ANKAR: variants seen among roughly 807,000 people sequenced by gnomAD.
ANKAR encodes the protein ankyrin and armadillo repeat-containing protein.
In ANKAR, 136 loss-of-function variants were observed where a neutral mutation model predicts 146.2. That is an observed-to-expected ratio of 0.93 (90% confidence interval 0.81 to 1.07). The LOEUF (loss-of-function observed/expected upper bound fraction) is 1.07, where lower values mean the gene tolerates loss of function less well. Among genes scored for constraint, ANKAR ranks in the 50% least tolerant of loss-of-function variants. The probability of loss-of-function intolerance (pLI) is 0.00; values close to 1 mark genes in which losing one functional copy is unlikely to be tolerated. For synonymous variants in ANKAR, 500 were observed against 575.8 expected (o/e 0.87, Z 1.88); for missense variants, 1,567 against 1,679.9 (o/e 0.93, Z 1.18).
At chr2:189,694,354 C>T (rs1399208358) in intron 5 of ANKAR, among the ~76,000 whole-genome samples, 1 of 152,156 alleles carries the variant, frequency 6.6e-6, no homozygotes, top group Non-Finnish European at 1.5e-5. Context: ...CGCTGAAATC[C>T]GGGCATGGGA....
At chr2:189,691,119 G>A (rs185473807) in intron 3 of ANKAR, among the ~76,000 whole-genome samples, 20 of 152,132 alleles carry the variant, frequency 1.3e-4, no homozygotes, top group Non-Finnish European at 2.6e-4. Context: ...GCAGTGGCAC[G>A]ATCTCGACTC....
chr2:189,758,073 T>C (rs761177549), intron 18 of ANKAR, among the ~76,000 whole-genome samples: 2 of 152,130 alleles, frequency 1.3e-5, no homozygotes, highest in Non-Finnish European at 2.9e-5. Flanking sequence ...CAATGAGTTC[T>C]CATGAGATCT....
intron 10 of ANKAR, among the ~76,000 whole-genome samples, chr2:189,717,775 A>G (rs577458963): frequency 2.2e-4 from 33 of 152,338 alleles, no homozygotes; most frequent in Non-Finnish European, 4.7e-4. Flanking sequence ...GGATGAGTTC[A>G]TGTCCTTTGC....
chr2:189,726,820 G>A (rs1331966124), intron 12 of ANKAR, among the ~76,000 whole-genome samples: 1 of 152,018 alleles, frequency 6.6e-6, no homozygotes, highest in Non-Finnish European at 1.5e-5. Flanking sequence ...AGAGATAAAA[G>A]GCCACGATGT....
intron 10 of ANKAR, among the ~76,000 whole-genome samples, chr2:189,714,962 AAAAAAGAG>A (rs1161282541): frequency 4.2e-5 from 6 of 144,314 alleles, no homozygotes; most frequent in African/African-American, 1.5e-4. Context: ...AAAAAAAAAA[AAAAAAGAG>A]AGAGAGAGAG....
chr2:189,678,902 A>G (rs1302673017), intron 2 of ANKAR, among the ~76,000 whole-genome samples: 3 of 152,156 alleles, frequency 2.0e-5, no homozygotes, highest in Admixed American at 2.0e-4. Context: ...TGCTTTAGCT[A>G]TGTGGGCTCA....
chr2:189,693,416 A>G (rs1421756909), intron 5 of ANKAR, among the ~76,000 whole-genome samples: 1 of 152,198 alleles, frequency 6.6e-6, no homozygotes, highest in Non-Finnish European at 1.5e-5. Context: ...CTTATAATTA[A>G]CAGAGTGGTT....
At chr2:189,738,462 G>C (rs894812637) in intron 18 of ANKAR, 103 bp from the exon 19 acceptor site, 6 of 691,310 alleles carry the variant, frequency 8.7e-6, no homozygotes, top group Non-Finnish European at 7.3e-6. Context: ...CCTTTAAGAA[G>C]TATCAAAAGA....
intron 22 of ANKAR, among the ~76,000 whole-genome samples, 187 bp downstream of exon 22, chr2:189,744,975 T>C (rs897831754): frequency 5.7e-5 from 6 of 105,246 alleles, no homozygotes; most frequent in East Asian, 2.7e-4. Flanking sequence ...CTAGCCAATA[T>C]GGTGAAACCC....
chr2:189,716,561 A>C (rs1233414700), intron 10 of ANKAR, among the ~76,000 whole-genome samples: 1 of 152,102 alleles, frequency 6.6e-6, no homozygotes, highest in Non-Finnish European at 1.5e-5. Context: ...GCTACCAATG[A>C]CTTTCTTCAC....
intron 21 of ANKAR, 88 bp downstream of exon 21, chr2:189,743,562 A>C (rs1257327442): frequency 8.6e-7 from 1 of 1,162,944 alleles, no homozygotes; most frequent in Non-Finnish European, 1.2e-6. Context: ...AAGAGGAACT[A>C]TTCTTGATAT....
Position 189,753,099 on chromosome 2 carries a change from T to A in ANKAR, c.*585-7999T>A, listed in dbSNP as rs956624696. The A allele has an allele frequency of 1.3e-5, 11 of 869,892 alleles. No individual in the cohort carries two copies. In the African/African-American group the frequency reaches 1.9e-4, roughly 15 times the overall value. The allele number at this position is 869,892 out of a possible 1,614,324, so 53.9% of individuals were successfully genotyped here. ...ATAAACTATCCCATTTTGAGATGGG[T>A]AATGGGCAGATGACATATCTATGTA... On this transcript the variant is annotated intron_variant and NMD_transcript_variant, in intron 18 of 18. Coordinates refer to the ANKAR transcript ENST00000441800.
intron 2 of ANKAR, among the ~76,000 whole-genome samples, chr2:189,680,508 A>G (rs1357475761): frequency 1.3e-5 from 2 of 151,338 alleles, no homozygotes; most frequent in African/African-American, 4.9e-5. Flanking sequence ...CTGTTTCTCT[A>G]GTTCCTTGAG....
downstream of ANKAR, among the ~76,000 whole-genome samples, chr2:189,748,539 A>C (rs2044533802): frequency 6.6e-6 from 1 of 152,236 alleles, no homozygotes; most frequent in South Asian, 2.1e-4. Context: ...CTAAAAAATA[A>C]GAGACCTCTT....
rs2105700197 is a variant in ANKAR, at chr2:189,674,777, G to A, written c.-89G>A. The A allele has an allele frequency of 6.6e-6, 1 of 152,450 alleles. No individual in the cohort carries two copies. The highest frequency in any genetic ancestry group is 2.1e-4 in the South Asian group (1 of 4,830). The allele number at this position is 152,450 out of a possible 1,614,324, so 9.4% of individuals were successfully genotyped here. On this transcript the variant is annotated 5_prime_UTR_variant, in exon 1 of 23. Coordinates refer to ENST00000684021, the MANE Select transcript of ANKAR (RefSeq NM_001378068.1). Reference sequence around the variant, plus strand: ...GGCGACGACTGTTCTCAGCCCCACGGGAACGCCGCGGACGCAGCGTCCCTC... The same window carrying A: ...GGCGACGACTGTTCTCAGCCCCACGAGAACGCCGCGGACGCAGCGTCCCTC...
Position 189,743,406 on chromosome 2 carries a change from A to G in ANKAR, c.3942A>G (p.Ala1314=). 1 of 1,614,022 alleles carries G rather than the reference A, an allele frequency of 6.2e-7. No individual in the cohort carries two copies. The highest frequency in any genetic ancestry group is 1.7e-4 in the Middle Eastern group (1 of 6,050). Residue 1314 remains alanine (A), a synonymous_variant, in exon 21 of 23, where the codon GCA becomes GCG. Coordinates refer to ENST00000684021, the MANE Select transcript of ANKAR (RefSeq NM_001378068.1). Reference sequence around the variant, plus strand: ...TAAAAAATAATATCAGCAGAGATGCAAGTATTAACCCAGCATTTTTAAAGG... The same window carrying G: ...TAAAAAATAATATCAGCAGAGATGCGAGTATTAACCCAGCATTTTTAAAGG... ...IRIKNNISRD[A]SINPAFLKEF...
intron 16 of ANKAR, among the ~76,000 whole-genome samples, chr2:189,731,376 CTTT>C (rs71023714): frequency 7.3e-6 from 1 of 137,386 alleles, no homozygotes; most frequent in Non-Finnish European, 1.5e-5. Context: ...TTTCTTTTTT[CTTT>C]TTTTTTTTTT....
At position 189,677,034 on chromosome 2, in the gene ANKAR, G is replaced by T; in HGVS notation, c.544G>T (p.Asp182Tyr). ...ATTGTGGCGTGCCATCATGGACATT[G>T]ATCCTGATGGAAAACCTCAAACAAA... ...SELWRAIMDI[D>Y]PDGKPQTNKD... Residue 182 changes from aspartate (D) to tyrosine (Y), a missense_variant, in exon 2 of 23, where the codon GAT (aspartate) becomes TAT (tyrosine). Asp to Tyr is a radical substitution (Grantham distance 160). Coordinates refer to ENST00000684021, the MANE Select transcript of ANKAR (RefSeq NM_001378068.1). 6.2e-7 allele frequency: 1 copy of T among 1,602,098 alleles called. No individual in the cohort carries two copies.
intron 21 of ANKAR, among the ~76,000 whole-genome samples, chr2:189,743,874 C>T (rs966545039): frequency 6.6e-6 from 1 of 152,160 alleles, no homozygotes; most frequent in Non-Finnish European, 1.5e-5. Flanking sequence ...AAAGCTAGGC[C>T]AAATTCCCAG....
Sources: allele counts gnomAD v4.1 joint callset (sites outside exome capture counted in the v4.1 genomes callset), GRCh38; gene constraint gnomAD v4.1.1; transcripts MANE v1.5; gene names NCBI Gene and HGNC (gene_info 2026-07-23, HGNC 2026-07-21).